Variants in AGBL2 observed in about 807,000 individuals in gnomAD.
AGBL2 encodes the protein AGBL carboxypeptidase 2.
A neutral mutation model predicts 103.0 loss-of-function variants in AGBL2; 87 were observed. That is an observed-to-expected ratio of 0.84 (90% CI 0.71 to 1.01). The LOEUF is 1.01. AGBL2 is among the 50% of genes least tolerant of loss of function. AGBL2 has a pLI of 0.00. For missense variants in AGBL2, 904 were observed against 1,023.5 expected, an observed-to-expected ratio of 0.88 and a Z score of 1.59; for synonymous variants, 335 against 356.7, an observed-to-expected ratio of 0.94 and a Z score of 0.69.
chr11:47,676,034 ACT>A (rs984056621), intron 14 of AGBL2, among the ~76,000 whole-genome samples: 4 of 150,346 alleles, frequency 2.7e-5, no homozygotes, highest in African/African-American at 7.4e-5. Flanking sequence ...TCCAATGATG[ACT>A]CTCTCATTGG....
chr11:47,710,028 A>C (rs2097532484), intron 4 of AGBL2, among the ~76,000 whole-genome samples: 1 of 151,556 alleles, frequency 6.6e-6, no homozygotes, highest in Admixed American at 6.6e-5. Context: ...TCCTGAGATT[A>C]CCAGTGTGTG....
In AGBL2 at chr11:47,667,594, A is replaced by C. The variant is rs2097344746; in HGVS notation, c.2317T>G (p.Leu773Val). 1 of 1,613,812 alleles carries C rather than the reference A, an allele frequency of 6.2e-7. No individual in the cohort carries two copies. The highest frequency in any genetic ancestry group is 1.1e-5 in the South Asian group (1 of 91,080). The change falls in exon 16 of 19, where the codon TTA becomes GTA. Residue 773 changes from leucine to valine, a missense_variant. Physicochemically the swap from Leu to Val is conservative, Grantham distance 32 (BLOSUM62 1). Transcript: ENST00000525123. ...ACTGAGGTATCTTCTGTTAACTTTA[A>C]CTTCTGCATCAAATTTTTTTTCTGA... Reference protein sequence around the residue: ...QYQKKNLMQKLKLTEDTSEKA... With the variant: ...QYQKKNLMQKVKLTEDTSEKA...
At chr11:47,700,771 A>G (rs2097495533) in intron 7 of AGBL2, among the ~76,000 whole-genome samples, 1 of 152,036 alleles carries the variant, frequency 6.6e-6, no homozygotes, top group African/African-American at 2.4e-5. Flanking sequence ...GGCTTTCACA[A>G]TTTAGTTTAA....
chr11:47,667,811 G>T, intron 15 of AGBL2, 115 bp from the exon 16 acceptor site: 2 of 1,195,072 alleles, frequency 1.7e-6, no homozygotes, highest in Non-Finnish European at 2.4e-6. Context: ...ATGCAGATTT[G>T]TGGTGTTGGT....
At chr11:47,700,260 G>C (rs1272644121) in intron 7 of AGBL2, among the ~76,000 whole-genome samples, 2 of 152,034 alleles carry the variant, frequency 1.3e-5, no homozygotes, top group Non-Finnish European at 2.9e-5. Context: ...CCTAGCGAAG[G>C]CTTTTTCATT....
At position 47,667,663 on chromosome 11, in the gene AGBL2, T is replaced by C; in HGVS notation, c.2248A>G (p.Lys750Glu). The change falls in exon 16 of 19, where the codon AAA (lysine) becomes GAA (glutamate). Residue 750 changes from lysine (K) to glutamate (E), a missense_variant. Coordinates refer to ENST00000525123, the MANE Select transcript of AGBL2 (RefSeq NM_024783.4). ...TQKKKMFKKK[K>E]KKSLQTRKQR... Reference sequence around the variant, plus strand: ...TTCCTAGTCTGAAGTGACTTCTTTTTTTTCTTCTTAAACATCTTCTTTTTC... The same window carrying C: ...TTCCTAGTCTGAAGTGACTTCTTTTCTTTCTTCTTAAACATCTTCTTTTTC... The C allele has an allele frequency of 6.2e-7, 1 of 1,613,084 alleles. No homozygotes were observed. The highest frequency in any genetic ancestry group is 8.5e-7 in the Non-Finnish European group (1 of 1,179,864).
rs762455633 is a variant in AGBL2, at chr11:47,710,499, C to T, written c.110G>A (p.Ser37Asn). 1 of 1,614,138 alleles carries T rather than the reference C, an allele frequency of 6.2e-7. No individual in the cohort carries two copies. Residue 37 changes from serine (S) to asparagine (N), a missense_variant, in exon 4 of 19, where the codon AGT (serine) becomes AAT (asparagine). By Grantham distance (46) the Ser-to-Asn change is conservative (BLOSUM62 1). Transcript: ENST00000525123. ...CTGATGCGTAGCAGAGTTTGGTAAA[C>T]TGCCTCTCTGAGCTAAAAATTGGCA... The part of the protein sequence containing the change: ...YYGYFKAQRG[S>N]LPNSATHQHV...
At chr11:47,689,900 A>G (rs1316923790) in intron 10 of AGBL2, among the ~76,000 whole-genome samples, 176 bp downstream of exon 10, 1 of 152,150 alleles carries the variant, frequency 6.6e-6, no homozygotes, top group Non-Finnish European at 1.5e-5. Context: ...GACATGATTT[A>G]AAAGTCTGAA....
Position 47,666,957 on chromosome 11 carries a change from T to A in AGBL2, c.2447A>T (p.Glu816Val). The change falls in exon 17 of 19, where the codon GAG becomes GTG. Residue 816 changes from glutamate to valine, a missense_variant and splice_region_variant. By Grantham distance (121) the Glu-to-Val change is moderately radical (BLOSUM62 -2). Transcript: ENST00000525123. ...PMKNENPRLNETNLNRRDKDT... is the reference protein window; with the variant it reads ...PMKNENPRLNVTNLNRRDKDT... ...AAGAGTCAAAAACAAAAATACTACCTCATTTAACCTTGGGTTTTCATTTTT... is the reference window on the plus strand; with the variant it reads ...AAGAGTCAAAAACAAAAATACTACCACATTTAACCTTGGGTTTTCATTTTT... The A allele has an allele frequency of 6.3e-7, 1 of 1,597,586 alleles. No homozygotes were observed. Among genetic ancestry groups the A allele is most frequent in the Non-Finnish European group, 8.6e-7 (1 of 1,165,654 alleles).
intron 3 of AGBL2, among the ~76,000 whole-genome samples, chr11:47,712,229 C>T (rs760922259): frequency 6.6e-6 from 1 of 152,082 alleles, no homozygotes; most frequent in Non-Finnish European, 1.5e-5. Context: ...GGATTTAGTA[C>T]TATCAGTGGT....
chr11:47,701,618 G>A (rs752161591), intron 7 of AGBL2, among the ~76,000 whole-genome samples: 4 of 152,042 alleles, frequency 2.6e-5, no homozygotes, highest in Non-Finnish European at 5.9e-5. Context: ...GAGGCCAGGA[G>A]TTTGGGAGTA....
chr11:47,662,924 C>G (rs1238209679), intron 18 of AGBL2, 102 bp downstream of exon 18: 2 of 974,280 alleles, frequency 2.1e-6, no homozygotes, highest in African/African-American at 3.4e-5. Context: ...GAAGGTAAAA[C>G]TGGACTGTGC....
rs376052518 is a variant in AGBL2 at position 47,692,308 on chromosome 11, C to T, written c.695-52G>A. ...AGGTTCTACTCAGAATCCACTCATT[C>T]AGCAAATACTTAAGTGGCCCCTCTA... On this transcript the variant is annotated intron_variant, in intron 8 of 18. Transcript: ENST00000525123. The T allele has an allele frequency of 2.5e-5, 38 of 1,521,602 alleles. No individual in the cohort carries two copies. The African/African-American group carries it at 5.1e-4, about 20-fold the overall frequency. 94.3% of individuals were successfully genotyped at this position (1,521,602 alleles called of 1,614,324 possible).
chr11:47,704,422 G>A, intron 7 of AGBL2, 121 bp downstream of exon 7: 1 of 765,346 alleles, frequency 1.3e-6, no homozygotes, highest in East Asian at 2.6e-5. Flanking sequence ...GACAGAGGTT[G>A]CAGTGAGCTG....
At chr11:47,706,889 T>A (rs2097522138) in intron 4 of AGBL2, among the ~76,000 whole-genome samples, 68 of 30,840 alleles carry the variant, frequency 2.2e-3, no homozygotes, top group Non-Finnish European at 2.9e-3. Flanking sequence ...TCTCTACTAT[T>A]CCAAAAAAAA....
chr11:47,660,263 T>G lies in AGBL2; in HGVS notation c.2619A>C (p.Pro873=). Residue 873 remains proline, a synonymous_variant, in exon 19 of 19, where the codon CCA becomes CCC. Transcript: ENST00000525123. ...CAGGATATCTGCTCCTAGGCCAGTT[T>G]GGCTTCATACCTGGAGCTGGCTCTT... ...SSQEPAPGMK[P]NWPRSRYPAT... 1 of 1,614,260 alleles carries G rather than the reference T, an allele frequency of 6.2e-7. No homozygotes were observed. The highest frequency in any genetic ancestry group is 8.5e-7 in the Non-Finnish European group (1 of 1,180,042).
chr11:47,675,199 C>CTTTTT (rs34012734), intron 14 of AGBL2, among the ~76,000 whole-genome samples: 10 of 58,200 alleles, frequency 1.7e-4, no homozygotes, highest in Non-Finnish European at 2.6e-4. Context: ...TCCCACCAGT[C>CTTTTT]TTTTTTTTTT....
intron 8 of AGBL2, 57 bp from the exon 9 acceptor site, chr11:47,692,313 A>G: frequency 1.3e-6 from 2 of 1,504,558 alleles, no homozygotes; most frequent in Non-Finnish European, 1.8e-6. Context: ...TCATTCAGCA[A>G]ATACTTAAGT....
chr11:47,660,210 G>T lies in AGBL2; in HGVS notation c.2672C>A (p.Ala891Glu), dbSNP rs138759912. Residue 891 changes from alanine to glutamate, a missense_variant, in exon 19 of 19, where the codon GCG (alanine) becomes GAG (glutamate). Transcript: ENST00000525123. ...PATKRGCAAMAAYPSLHIYTY... is the reference protein window; with the variant it reads ...PATKRGCAAMEAYPSLHIYTY... ...GTATATGTGCAAGGATGGGTATGCC[G>T]CCATGGCAGCACAGCCTCTCTTTGT... The T allele has an allele frequency of 1.2e-6, 2 of 1,614,004 alleles. No individual in the cohort carries two copies. Among genetic ancestry groups the T allele is most frequent in the East Asian group, 2.2e-5 (1 of 44,900 alleles).
Sources: allele counts gnomAD v4.1 joint callset (sites outside exome capture counted in the v4.1 genomes callset), GRCh38; gene constraint gnomAD v4.1.1; transcripts MANE v1.5; gene names NCBI Gene and HGNC (gene_info 2026-07-23, HGNC 2026-07-21).